HNRNPK: variants seen among roughly 807,000 people sequenced by gnomAD.
The protein encoded by HNRNPK is dC-stretch binding protein.
In HNRNPK, 7 loss-of-function variants were observed where a neutral mutation model predicts 67.0. The ratio of observed to expected loss-of-function variants is 0.10; its 90% CI spans 0.06 to 0.20. The LOEUF (loss-of-function observed/expected upper bound fraction) is 0.20, where lower values mean the gene tolerates loss of function less well. Ranked by LOEUF, HNRNPK falls within the 10% of genes least tolerant of loss-of-function variation. The probability of loss-of-function intolerance (pLI) is 1.00; values close to 1 mark genes in which losing one functional copy is unlikely to be tolerated. For missense variants in HNRNPK, 264 were observed against 606.5 expected, an observed-to-expected ratio of 0.44 and a Z score of 5.93; for synonymous variants, 213 against 193.7, an observed-to-expected ratio of 1.10 and a Z score of -0.83.
At chr9:83,979,565 G>C (rs911614473) in intron 1 of HNRNPK, among the ~76,000 whole-genome samples, 1 of 152,012 alleles carries the variant, frequency 6.6e-6, no homozygotes, top group Non-Finnish European at 1.5e-5. Context: ...GTAACAGGAC[G>C]GGAAAAAGCG....
chr9:83,977,541 C>A, intron 4 of HNRNPK, 148 bp downstream of exon 4: 2 of 567,556 alleles, frequency 3.5e-6, no homozygotes, highest in South Asian at 2.3e-5. Context: ...AATAAGAAAA[C>A]CACCAGAGCC....
Position 83,977,143 on chromosome 9 carries a change from C to T in HNRNPK, c.157-92G>A, listed in dbSNP as rs892011559. ...TAGATTTTGCTAAAAAATCCTCTAA[C>T]CTGTTTGTTATAAGAATAAAAATCT... On this transcript the variant is annotated intron_variant, in intron 4 of 16. Coordinates refer to ENST00000376263, the MANE Select transcript of HNRNPK (RefSeq NM_031263.4). The T allele has an allele frequency of 5.6e-6, 5 of 886,416 alleles. No homozygotes were observed. In the East Asian group the frequency reaches 9.9e-5, roughly 18 times the overall value. 54.9% of individuals were successfully genotyped at this position (886,416 alleles called of 1,614,324 possible).
At position 83,980,173 on chromosome 9, in the gene HNRNPK, C is replaced by G. The variant is rs1957324513; in HGVS notation, c.-128G>C. Reference sequence around the variant, plus strand: ...CTCACCGCGCGAGACTGCCGTCCCTCCGCTGCCGCGCCGCCTCAGCCGGTC... The same window carrying G: ...CTCACCGCGCGAGACTGCCGTCCCTGCGCTGCCGCGCCGCCTCAGCCGGTC... On this transcript the variant is annotated 5_prime_UTR_variant, in exon 1 of 17. Transcript: ENST00000376263. The G allele has an allele frequency of 6.6e-6, 1 of 152,418 alleles. No homozygotes were observed. The highest frequency in any genetic ancestry group is 2.1e-4 in the South Asian group (1 of 4,848). The allele number at this position is 152,418 out of a possible 1,614,324, so 9.4% of individuals were successfully genotyped here. A position where few individuals can be genotyped will look rare whatever the true frequency, so the allele number is the denominator to read the frequency against.
At position 83,972,184 on chromosome 9, in the gene HNRNPK, G is replaced by C; in HGVS notation, c.651C>G (p.Pro217=). 6.3e-7 allele frequency: 1 copy of C among 1,587,884 alleles called. No homozygotes were observed. ...KIILDLISES[P]IKGRAQPYDP... ...CATAAGGCTGTGCACGTCCTTTGAT[G>C]GGAGACTAAAAACAGAGATGGAACA... The change falls in exon 11 of 17, where the codon CCC becomes CCG. Residue 217 remains proline (P), a synonymous_variant. Coordinates refer to ENST00000376263, the MANE Select transcript of HNRNPK (RefSeq NM_031263.4).
chr9:83,979,278 G>A (rs1271883191), intron 1 of HNRNPK, among the ~76,000 whole-genome samples: 2 of 152,234 alleles, frequency 1.3e-5, no homozygotes, highest in Non-Finnish European at 2.9e-5. Flanking sequence ...CATACCGTTG[G>A]TCGACTTATT....
chr9:83,974,176 C>A (rs575503946), intron 7 of HNRNPK, among the ~76,000 whole-genome samples: 38 of 152,012 alleles, frequency 2.5e-4, no homozygotes, highest in Admixed American at 4.6e-4. Context: ...GTCTTAAAAT[C>A]CTAACTAAAT....
intron 9 of HNRNPK, 113 bp from the exon 10 acceptor site, chr9:83,973,085 TCATTA>T (rs1956925895): frequency 1.2e-6 from 1 of 807,514 alleles, no homozygotes; most frequent in Admixed American, 2.9e-5. Flanking sequence ...TATAAAAACT[TCATTA>T]ATTATCACAG....
chr9:83,968,536 A>G lies in HNRNPK; in HGVS notation c.*871T>C, dbSNP rs1230568811. ...TTCTGATTAATAAAACTTGCTGCCAATCAGAATTCTGGTATATACTCATAC... is the reference window on the plus strand; with the variant it reads ...TTCTGATTAATAAAACTTGCTGCCAGTCAGAATTCTGGTATATACTCATAC... On this transcript the variant is annotated 3_prime_UTR_variant, in exon 17 of 17. Transcript: ENST00000376263. 3.9e-5 allele frequency: 6 copies of G among 152,576 alleles called. No homozygotes were observed. Among genetic ancestry groups the G allele is most frequent in the Admixed American group, 3.3e-4 (5 of 15,264 alleles). 9.5% of individuals were successfully genotyped at this position (152,576 alleles called of 1,614,324 possible).
chr9:83,978,064 C>A, intron 3 of HNRNPK, 131 bp downstream of exon 3: 1 of 649,148 alleles, frequency 1.5e-6, no homozygotes. Context: ...GATGTAACTA[C>A]TGATAATCGC....
chr9:83,973,056 A>C (rs1956923717), intron 9 of HNRNPK, 84 bp from the exon 10 acceptor site: 1 of 958,316 alleles, frequency 1.0e-6, no homozygotes, highest in Admixed American at 2.8e-5. Flanking sequence ...ATTTGAATTC[A>C]ACAATTAACC....
At chr9:83,970,038 T>C (rs1956756183) in intron 16 of HNRNPK, 124 bp downstream of exon 16, 1 of 741,064 alleles carries the variant, frequency 1.3e-6, no homozygotes, top group Admixed American at 2.6e-5. Context: ...TTAGAATGTT[T>C]AGAAGTTAGG....
intron 6 of HNRNPK, 99 bp downstream of exon 6, chr9:83,975,363 C>A: frequency 9.5e-7 from 1 of 1,056,262 alleles, no homozygotes; most frequent in Admixed American, 2.0e-5. Context: ...AACAATACAC[C>A]GTCTAAAGGG....
chr9:83,979,586 G>A (rs1383463331), intron 1 of HNRNPK, among the ~76,000 whole-genome samples: 3 of 152,118 alleles, frequency 2.0e-5, no homozygotes, highest in Non-Finnish European at 4.4e-5. Flanking sequence ...AAAGTCGACA[G>A]CAGAAGCACC....
At chr9:83,971,649 T>G (rs376424221) in intron 12 of HNRNPK, 23 bp downstream of exon 12, 1 of 1,594,826 alleles carries the variant, frequency 6.3e-7, no homozygotes, top group East Asian at 2.2e-5. Context: ...CCCAACACAC[T>G]GGTAATAAAC....
chr9:83,978,648 C>G (rs1171233117), intron 1 of HNRNPK, among the ~76,000 whole-genome samples, 196 bp from the exon 2 acceptor site: 1 of 152,140 alleles, frequency 6.6e-6, no homozygotes, highest in Non-Finnish European at 1.5e-5. Context: ...TCATTTTTTG[C>G]TAAGTTAGAA....
In HNRNPK at chr9:83,971,899, T is replaced by A; in HGVS notation, c.936A>T (p.Pro312=). Residue 312 remains proline, a synonymous_variant, in exon 11 of 17, where the codon CCA becomes CCT. Transcript: ENST00000376263. ...CAACTTACCCCCCTCTAGGTGGTGG[T>A]GGTGGAGGAAGAGGAAGATTCCGAG... ...SRARNLPLPP[P]PPPRGGDLMA... 6.4e-7 allele frequency: 1 copy of A among 1,557,380 alleles called. No homozygotes were observed. The highest frequency in any genetic ancestry group is 8.7e-7 in the Non-Finnish European group (1 of 1,153,020).
At chr9:83,980,572 T>C (rs1957348033), upstream of HNRNPK, 2 of 152,842 alleles carry the variant, frequency 1.3e-5, no homozygotes, top group Non-Finnish European at 2.9e-5. Context: ...CAGAGGATAA[T>C]GGCGTCTGCA....
intron 9 of HNRNPK, 117 bp from the exon 10 acceptor site, chr9:83,973,089 T>G (rs984702076): frequency 2.1e-4 from 167 of 803,908 alleles, no homozygotes; most frequent in Non-Finnish European, 2.4e-4. Flanking sequence ...AAAACTTCAT[T>G]AATTATCACA....
chr9:83,977,849 T>G, intron 3 of HNRNPK, 63 bp from the exon 4 acceptor site: 2 of 1,016,988 alleles, frequency 2.0e-6, no homozygotes, highest in Non-Finnish European at 3.1e-6. Context: ...CTCCATTCTG[T>G]TTCAAGAGAC....
Sources: allele counts gnomAD v4.1 joint callset (sites outside exome capture counted in the v4.1 genomes callset), GRCh38; gene constraint gnomAD v4.1.1; transcripts MANE v1.5; gene names NCBI Gene and HGNC (gene_info 2026-07-23, HGNC 2026-07-21).